The following WWOX variants were observed in gnomAD, a reference collection of about 807,000 sequenced individuals.
WWOX encodes WW domain-containing oxidoreductase.
WWOX carries 69 observed loss-of-function variants against 46.2 expected under a neutral mutation model. The ratio of observed to expected loss-of-function variants is 1.49; its 90% confidence interval spans 1.23 to 1.82. The LOEUF (loss-of-function observed/expected upper bound fraction) is 1.82, where lower values mean the gene tolerates loss of function less well. Among genes scored for constraint, WWOX ranks in the 40% most tolerant of loss-of-function variants. The probability of loss-of-function intolerance (pLI) is 0.00; values close to 1 mark genes in which losing one functional copy is unlikely to be tolerated. For synonymous variants in WWOX, 359 were observed against 202.6 expected, an observed-to-expected ratio of 1.77 and a Z score of -6.56; for missense variants, 919 against 542.6, an observed-to-expected ratio of 1.69 and a Z score of -6.89.
intron 8 of WWOX, among the ~76,000 whole-genome samples, chr16:78,977,118 T>C (rs2046587818): frequency 6.6e-6 from 1 of 152,194 alleles, no homozygotes; most frequent in Non-Finnish European, 1.5e-5. Context: ...AGCTCTAATA[T>C]CTTCCTCTTT....
chr16:78,406,322 AT>A (rs2082537663), intron 6 of WWOX, among the ~76,000 whole-genome samples: 1 of 77,610 alleles, frequency 1.3e-5, no homozygotes. Flanking sequence ...ATATATATAT[AT>A]ATATATATAT....
At chr16:78,603,392 G>C (rs1005480541) in intron 8 of WWOX, among the ~76,000 whole-genome samples, 10 of 152,130 alleles carry the variant, frequency 6.6e-5, no homozygotes, top group African/African-American at 2.2e-4. Flanking sequence ...CAAACTACAT[G>C]CATTTTAAAA....
chr16:79,065,520 G>C (rs1004384431), intron 8 of WWOX, among the ~76,000 whole-genome samples: 12 of 152,082 alleles, frequency 7.9e-5, no homozygotes, highest in African/African-American at 2.9e-4. Flanking sequence ...GGGTCAGTGG[G>C]TCATCAAAAT....
chr16:79,010,934 G>A (rs2047291761), intron 8 of WWOX, among the ~76,000 whole-genome samples: 1 of 151,910 alleles, frequency 6.6e-6, no homozygotes. Flanking sequence ...GTCCTGCCAT[G>A]GCTTTGGTTT....
At chr16:78,399,782 A>G (rs1727299340) in intron 6 of WWOX, among the ~76,000 whole-genome samples, 1 of 150,626 alleles carries the variant, frequency 6.6e-6, no homozygotes, top group African/African-American at 2.5e-5. Flanking sequence ...GTCACTTTGG[A>G]ATCTACACTT....
intron 8 of WWOX, among the ~76,000 whole-genome samples, chr16:78,906,038 A>C (rs2044955081): frequency 6.6e-6 from 1 of 152,234 alleles, no homozygotes; most frequent in South Asian, 2.1e-4. Context: ...TGGATGAATG[A>C]ATGAATGAAT....
At chr16:78,723,783 CT>C (rs2048757537) in intron 8 of WWOX, among the ~76,000 whole-genome samples, 1 of 152,056 alleles carries the variant, frequency 6.6e-6, no homozygotes, top group African/African-American at 2.4e-5. Context: ...AAAAATGGAA[CT>C]TGCTTCTTGT....
At chr16:78,150,193 T>C (rs1437723989) in intron 4 of WWOX, among the ~76,000 whole-genome samples, 2 of 152,096 alleles carry the variant, frequency 1.3e-5, no homozygotes, top group Non-Finnish European at 2.9e-5. Flanking sequence ...CTCAGGGAAA[T>C]ATTTACTTAT....
At chr16:78,105,531 G>A (rs968858610) in intron 1 of WWOX, among the ~76,000 whole-genome samples, 3 of 151,904 alleles carry the variant, frequency 2.0e-5, no homozygotes, top group Non-Finnish European at 4.4e-5. Context: ...ATTCAGGCAT[G>A]TTCTGTGAAA....
chr16:78,897,267 C>T (rs374476430), intron 8 of WWOX: 2 of 62,736 alleles, frequency 3.2e-5, no homozygotes, highest in African/African-American at 1.3e-4. Flanking sequence ...AAAAAAAAAA[C>T]CAAAAAAACA....
intron 8 of WWOX, among the ~76,000 whole-genome samples, chr16:78,864,736 G>A (rs2043964927): frequency 6.9e-6 from 1 of 145,002 alleles, no homozygotes; most frequent in Non-Finnish European, 1.5e-5. Context: ...GAGCTGTGTG[G>A]CTATTTTTCT....
At chr16:78,802,771 C>T (rs999517935) in intron 8 of WWOX, among the ~76,000 whole-genome samples, 1 of 151,220 alleles carries the variant, frequency 6.6e-6, no homozygotes, top group Non-Finnish European at 1.5e-5. Flanking sequence ...GAGAAGTTAG[C>T]CAGGTGTGGT....
intron 5 of WWOX, among the ~76,000 whole-genome samples, chr16:78,336,252 C>A (rs1462074176): frequency 1.3e-5 from 2 of 150,832 alleles, no homozygotes; most frequent in East Asian, 3.9e-4. Context: ...GCAGGCAGAT[C>A]ACCTGAAGTC....
intron 5 of WWOX, among the ~76,000 whole-genome samples, chr16:78,309,916 A>G (rs746539558): frequency 3.1e-4 from 47 of 152,136 alleles, no homozygotes; most frequent in Non-Finnish European, 5.9e-5. Flanking sequence ...AATTGGATGT[A>G]TGGCAGGATT....
intron 8 of WWOX, among the ~76,000 whole-genome samples, chr16:78,497,405 G>A (rs1196346920): frequency 6.6e-6 from 1 of 152,210 alleles, no homozygotes; most frequent in Non-Finnish European, 1.5e-5. Flanking sequence ...ACACTGGTCT[G>A]CACAATGAGT....
chr16:78,216,810 C>T (rs1039657694), intron 5 of WWOX, among the ~76,000 whole-genome samples: 1 of 152,116 alleles, frequency 6.6e-6, no homozygotes, highest in Non-Finnish European at 1.5e-5. Context: ...TGGCTCACTG[C>T]AACTTCCGCC....
chr16:78,551,612 C>T (rs950032107), intron 8 of WWOX: 1 of 152,250 alleles, frequency 6.6e-6, no homozygotes. Context: ...ATGGTGAATA[C>T]CCTCGGCGGG....
intron 8 of WWOX, among the ~76,000 whole-genome samples, chr16:78,530,613 GA>G (rs1356957909): frequency 6.6e-6 from 1 of 152,144 alleles, no homozygotes; most frequent in African/African-American, 2.4e-5. Context: ...GGTGGTTGTG[GA>G]AAAGGCAATA....
intron 8 of WWOX, among the ~76,000 whole-genome samples, chr16:79,179,643 A>G (rs1004300081): frequency 6.6e-6 from 1 of 152,082 alleles, no homozygotes; most frequent in African/African-American, 2.4e-5. Flanking sequence ...CTTCCCTTCC[A>G]TTGTATTTGA....
Sources: gnomAD v4.1 joint callset for allele counts (sites outside exome capture counted in the v4.1 genomes callset) on GRCh38, gnomAD v4.1.1 for gene constraint, MANE v1.5 for transcripts, NCBI Gene and HGNC (gene_info 2026-07-23, HGNC 2026-07-21) for gene names.